Variants in SIN3A observed in about 807,000 individuals in gnomAD.
The protein encoded by SIN3A is SIN3 transcription regulator family member A.
Under a neutral mutation model 146.1 loss-of-function variants are expected in SIN3A, and 14 were observed. That is an observed-to-expected ratio of 0.10 (90% CI 0.06 to 0.15). The LOEUF (loss-of-function observed/expected upper bound fraction) is 0.15, where lower values mean the gene tolerates loss of function less well. Among genes scored for constraint, SIN3A ranks in the 10% least tolerant of loss-of-function variants. The pLI, the probability that SIN3A is intolerant of heterozygous loss-of-function variation, is 1.00. For synonymous variants in SIN3A, 572 were observed against 572.0 expected, an observed-to-expected ratio of 1.00 and a Z score of 0.00; for missense variants, 1,028 against 1,576.0, an observed-to-expected ratio of 0.65 and a Z score of 5.89.
chr15:75,376,763 G>A (rs561116581), intron 19 of SIN3A, among the ~76,000 whole-genome samples: 19 of 151,718 alleles, frequency 1.3e-4, no homozygotes, highest in Admixed American at 9.9e-4. Context: ...GGGAGGCTGA[G>A]GTGGGAAGAT....
chr15:75,439,639 C>G (rs2074167224), intron 1 of SIN3A, among the ~76,000 whole-genome samples: 3 of 151,992 alleles, frequency 2.0e-5, no homozygotes, highest in African/African-American at 7.2e-5. Flanking sequence ...GCCACCGCAC[C>G]CGGCCATCAA....
intron 8 of SIN3A, among the ~76,000 whole-genome samples, chr15:75,407,978 A>C (rs536335151): frequency 9.2e-5 from 14 of 151,776 alleles, no homozygotes; most frequent in African/African-American, 3.4e-4. Context: ...AAAGGGAACC[A>C]ACAGGCCATG....
chr15:75,440,029 T>C (rs1002590753), intron 1 of SIN3A, among the ~76,000 whole-genome samples: 3 of 151,466 alleles, frequency 2.0e-5, no homozygotes, highest in Non-Finnish European at 4.4e-5. Context: ...CGGGCGCCTG[T>C]AATCCCAGCA....
intron 11 of SIN3A, among the ~76,000 whole-genome samples, 183 bp downstream of exon 11, chr15:75,400,547 T>C (rs2073392400): frequency 6.6e-6 from 1 of 152,192 alleles, no homozygotes; most frequent in Non-Finnish European, 1.5e-5. Context: ...CACTACAGCC[T>C]GGGTGACAAA....
chr15:75,448,477 G>A (rs2074346851), intron 1 of SIN3A, among the ~76,000 whole-genome samples: 2 of 149,100 alleles, frequency 1.3e-5, no homozygotes, highest in African/African-American at 4.9e-5. Flanking sequence ...CTGGGAGACA[G>A]AGCAGGACTC....
At chr15:75,399,899 G>C in intron 12 of SIN3A, 141 bp downstream of exon 12, 1 of 636,254 alleles carries the variant, frequency 1.6e-6, no homozygotes, top group Non-Finnish European at 2.8e-6. Flanking sequence ...ATAAAGCATG[G>C]AAAGTACCAC....
chr15:75,404,813 C>T (rs1168886860), intron 9 of SIN3A, among the ~76,000 whole-genome samples: 1 of 151,820 alleles, frequency 6.6e-6, no homozygotes, highest in African/African-American at 2.4e-5. Flanking sequence ...AAACCCATTA[C>T]TCTTAGAAAT....
intron 1 of SIN3A, among the ~76,000 whole-genome samples, chr15:75,445,530 C>T (rs905505256): frequency 1.3e-5 from 2 of 150,292 alleles, no homozygotes; most frequent in East Asian, 1.9e-4. Context: ...GAGATTGCAC[C>T]ACTGCACTCC....
intron 15 of SIN3A, among the ~76,000 whole-genome samples, 166 bp downstream of exon 15, chr15:75,392,076 A>G (rs2073214647): frequency 6.6e-6 from 1 of 152,196 alleles, no homozygotes; most frequent in Non-Finnish European, 1.5e-5. Flanking sequence ...AAGCAACACC[A>G]CAAGCAACTA....
At chr15:75,398,978 T>C (rs2073355706) in intron 12 of SIN3A, among the ~76,000 whole-genome samples, 1 of 151,526 alleles carries the variant, frequency 6.6e-6, no homozygotes, top group African/African-American at 2.4e-5. Flanking sequence ...AAAGCACATG[T>C]ATATCTATGT....
At position 75,389,837 on chromosome 15, in the gene SIN3A, G is replaced by A. The variant is rs759834646; in HGVS notation, c.2852-16C>T. The A allele has an allele frequency of 1.2e-6, 2 of 1,612,958 alleles. No individual in the cohort carries two copies. Among genetic ancestry groups the A allele is most frequent in the South Asian group, 2.2e-5 (2 of 90,960 alleles). On this transcript the variant is annotated splice_polypyrimidine_tract_variant and intron_variant, in intron 15 of 20. Coordinates refer to ENST00000394947, the MANE Select transcript of SIN3A (RefSeq NM_001145358.2). ...TCAACATCCACTGTGGGAGAGATGG[G>A]ATTGGTGAGGCCTTACCTTGCTAAG...
chr15:75,390,007 C>G (rs967638669), intron 15 of SIN3A, among the ~76,000 whole-genome samples, 186 bp from the exon 16 acceptor site: 1 of 152,230 alleles, frequency 6.6e-6, no homozygotes, highest in South Asian at 2.1e-4. Context: ...ATCACCAGCA[C>G]TATCAGAGTG....
chr15:75,394,661 G>C lies in SIN3A; in HGVS notation c.2277+19C>G, dbSNP rs2073270639. On this transcript the variant is annotated intron_variant, in intron 14 of 20. Transcript: ENST00000394947. ...TATAGACTAGAGTCCTCTCACAGAT[G>C]CAGAAACCCCCCGCTCACCTCATCA... 2 of 1,585,204 alleles carry C rather than the reference G, an allele frequency of 1.3e-6. No individual in the cohort carries two copies. The highest frequency in any genetic ancestry group is 2.7e-5 in the African/African-American group (2 of 73,496).
At chr15:75,424,603 T>G (rs1247025076) in intron 2 of SIN3A, among the ~76,000 whole-genome samples, 4 of 151,938 alleles carry the variant, frequency 2.6e-5, no homozygotes, top group Non-Finnish European at 4.4e-5. Context: ...GCTTCCCGAG[T>G]AGCTGGGACT....
In SIN3A at chr15:75,413,059, A is replaced by C; in HGVS notation, c.474-14T>G. The C allele has an allele frequency of 1.3e-6, 2 of 1,586,090 alleles. No homozygotes were observed. Among genetic ancestry groups the C allele is most frequent in the Non-Finnish European group, 1.7e-6 (2 of 1,171,936 alleles). On this transcript the variant is annotated splice_polypyrimidine_tract_variant and intron_variant, in intron 4 of 20. Coordinates refer to ENST00000394947, the MANE Select transcript of SIN3A (RefSeq NM_001145358.2). ...GGGGTGTCGATGCTGATAAAAAACAAAAAGAAAAGTGATAAACTGTAAGCT... is the reference window on the plus strand; with the variant it reads ...GGGGTGTCGATGCTGATAAAAAACACAAAGAAAAGTGATAAACTGTAAGCT...
chr15:75,421,853 A>G (rs2073844206), intron 3 of SIN3A: 1 of 152,240 alleles, frequency 6.6e-6, no homozygotes, highest in Non-Finnish European at 1.5e-5. Flanking sequence ...AGCTGGGAAC[A>G]CAAGCTTCAC....
At chr15:75,380,941 A>T in intron 18 of SIN3A, 1 of 466,950 alleles carries the variant, frequency 2.1e-6, no homozygotes, top group Non-Finnish European at 4.0e-6. Flanking sequence ...TGAGGTGCTA[A>T]GGTTATGAGA....
chr15:75,371,907 T>G lies in SIN3A; in HGVS notation c.*72A>C. The G allele has an allele frequency of 7.4e-7, 1 of 1,343,576 alleles. No homozygotes were observed. Among genetic ancestry groups the G allele is most frequent in the East Asian group, 2.3e-5 (1 of 43,060 alleles). The allele number at this position is 1,343,576 out of a possible 1,614,324, so 83.2% of individuals were successfully genotyped here. On this transcript the variant is annotated 3_prime_UTR_variant, in exon 21 of 21. Coordinates refer to ENST00000394947, the MANE Select transcript of SIN3A (RefSeq NM_001145358.2). ...CTTGAAAGGCATCTTCCTTGTTTCT[T>G]CAGTGTGTGAGTGCATAGGCCCACA... is the stretch of plus-strand genomic sequence containing the variant.
intron 1 of SIN3A, among the ~76,000 whole-genome samples, chr15:75,446,919 G>A (rs941187225): frequency 2.0e-5 from 3 of 152,098 alleles, no homozygotes; most frequent in Admixed American, 6.5e-5. Context: ...CTACAGGTGC[G>A]TGTGCCACCA....
Sources: gnomAD v4.1 joint callset for allele counts (sites outside exome capture counted in the v4.1 genomes callset) on GRCh38, gnomAD v4.1.1 for gene constraint, MANE v1.5 for transcripts, NCBI Gene and HGNC (gene_info 2026-07-23, HGNC 2026-07-21) for gene names.